HLA-DPA1: variants seen among roughly 807,000 people sequenced by gnomAD.
HLA-DPA1 encodes the protein major histocompatibility complex, class II, DP alpha 1, also known as HLA class II histocompatibility antigen, DP alpha 1 chain.
A neutral mutation model predicts 21.5 loss-of-function variants in HLA-DPA1; 20 were observed. That is an observed-to-expected ratio of 0.93 (90% CI 0.66 to 1.35). The LOEUF is 1.35. HLA-DPA1 is among the 40% of genes most tolerant of loss of function. The pLI is 0.00. For missense variants in HLA-DPA1, 279 were observed against 323.0 expected (o/e 0.86, Z 1.05); for synonymous variants, 123 against 129.6 (o/e 0.95, Z 0.35).
intron 1 of HLA-DPA1, chr6:33,079,776 C>T: frequency 4.1e-6 from 2 of 485,630 alleles, no homozygotes; most frequent in Non-Finnish European, 8.1e-6. Context: ...TCCAGAACTG[C>T]AAAGTCATCA....
chr6:33,070,501 A>C (rs1762227486), intron 2 of HLA-DPA1, among the ~76,000 whole-genome samples: 1 of 152,214 alleles, frequency 6.6e-6, no homozygotes, highest in Non-Finnish European at 1.5e-5. Flanking sequence ...GGTAGAAAAA[A>C]ATACAAAATT....
In HLA-DPA1 at chr6:33,080,466, TTC is replaced by T. The variant is rs998977153; in HGVS notation, c.-100+212_-100+213del. 3 of 755,582 alleles carry T rather than the reference TTC, an allele frequency of 4.0e-6. No individual in the cohort carries two copies. Among genetic ancestry groups the T allele is most frequent in the African/African-American group, 3.5e-5 (2 of 57,688 alleles). The allele number at this position is 755,582 out of a possible 1,614,324, so 46.8% of individuals were successfully genotyped here. On this transcript the variant is annotated intron_variant, in intron 1 of 5. Coordinates refer to ENST00000419277, the Ensembl canonical transcript of HLA-DPA1. This position sits in a 1 kb window ranked among gnomAD's most constrained non-coding sequence, Gnocchi z 4.3. Reference sequence around the variant, plus strand: ...CCCTGAGCTCATTCTTTTCAGTAAATTCTCTCTCTGCGTGGTGAGAAAACAGG... The same window carrying T: ...CCCTGAGCTCATTCTTTTCAGTAAATTCTCTCTGCGTGGTGAGAAAACAGG...
At chr6:33,071,887 C>A (rs1461283565) in intron 2 of HLA-DPA1, among the ~76,000 whole-genome samples, 2 of 152,080 alleles carry the variant, frequency 1.3e-5, no homozygotes, top group African/African-American at 4.8e-5. Context: ...TGAAAGTCAT[C>A]TAAGGAGAAA....
At chr6:33,076,659 C>A (rs576044134) in intron 1 of HLA-DPA1, among the ~76,000 whole-genome samples, 1 of 152,262 alleles carries the variant, frequency 6.6e-6, no homozygotes, top group South Asian at 2.1e-4. Flanking sequence ...TAGGTTTTAG[C>A]CCCTGAAGGC....
At chr6:33,069,146 G>A (rs759723756) in exon 4 of HLA-DPA1, 5 of 1,612,950 alleles carry the variant, frequency 3.1e-6, no homozygotes, top group Middle Eastern at 3.3e-4. Context: ...TGGGCAGGAA[G>A]AGGCTCTCAG....
intron 5 of HLA-DPA1, chr6:33,065,660 C>G (rs7751723): frequency 0.031 from 4,657 of 152,292 alleles, 251 homozygotes; most frequent in African/African-American, 0.1. Flanking sequence ...GAAGCTTAAC[C>G]CTGGAATGAG....
At chr6:33,071,306 A>G (rs777102400) in intron 2 of HLA-DPA1, among the ~76,000 whole-genome samples, 6 of 152,248 alleles carry the variant, frequency 3.9e-5, no homozygotes, top group Non-Finnish European at 7.3e-5. Context: ...GTATTTCACT[A>G]GGAAACTTAG....
At chr6:33,068,747 C>A in exon 5 of HLA-DPA1, 1 of 1,612,920 alleles carries the variant, frequency 6.2e-7, no homozygotes, top group Non-Finnish European at 8.5e-7. Context: ...CAGCACCAGG[C>A]CCAGGGCACA....
At chr6:33,064,965 T>C (rs1249558689) in exon 6 of HLA-DPA1, 1 of 152,182 alleles carries the variant, frequency 6.6e-6, no homozygotes, top group Non-Finnish European at 1.5e-5. Flanking sequence ...AGTATTCACA[T>C]GTGACCTGGT....
At chr6:33,079,535 G>T in intron 1 of HLA-DPA1, 1 of 378,308 alleles carries the variant, frequency 2.6e-6, no homozygotes, top group Non-Finnish European at 5.1e-6. Context: ...AGACTGAAAT[G>T]TCAAAATTAA....
rs556035925 is a variant in HLA-DPA1 at position 33,073,453 on chromosome 6, G to A, written c.100+18C>T. On this transcript the variant is annotated intron_variant, in intron 2 of 5. Coordinates refer to ENST00000419277, the Ensembl canonical transcript of HLA-DPA1. ...CCATCACTCACCCCGACGCTCCTGC[G>A]TCCTCCTGAGCACTCACCCTTGATG... 36 of 1,556,032 alleles carry A rather than the reference G, an allele frequency of 2.3e-5. 1 individual carries two copies. The South Asian group carries it at 2.4e-4, about 11-fold the overall frequency.
At chr6:33,076,569 G>A (rs1009894873) in intron 1 of HLA-DPA1, among the ~76,000 whole-genome samples, 17 of 152,176 alleles carry the variant, frequency 1.1e-4, no homozygotes, top group African/African-American at 3.4e-4. Flanking sequence ...CAGTGCTCAC[G>A]AAGAATGCCT....
intron 1 of HLA-DPA1, chr6:33,079,645 C>A: frequency 2.1e-6 from 1 of 470,968 alleles, no homozygotes; most frequent in East Asian, 5.9e-5. Context: ...GCAACAACAA[C>A]AACAAAAAAA....
At chr6:33,079,140 G>T (rs1762707811) in intron 1 of HLA-DPA1, among the ~76,000 whole-genome samples, 2 of 152,238 alleles carry the variant, frequency 1.3e-5, no homozygotes, top group African/African-American at 4.8e-5. Context: ...ACTTCTGCTA[G>T]GGGTGAGGTT....
In HLA-DPA1 at chr6:33,076,254, G is replaced by C. The variant is rs140768194; in HGVS notation, c.-99-2585C>G. On this transcript the variant is annotated intron_variant, in intron 1 of 5. Transcript: ENST00000419277. ...AGGCTGCGGGGGCTCCTGCCCTAAG[G>C]CAGTGTCCTCTCTTCCCAGCTAGAG... The C allele has an allele frequency of 2.0e-3, 1,386 of 697,066 alleles. 14 individuals are homozygous for C. The highest frequency in any genetic ancestry group is 0.012 in the East Asian group (429 of 36,862). The allele number at this position is 697,066 out of a possible 1,614,324, so 43.2% of individuals were successfully genotyped here.
chr6:33,076,074 G>T, intron 1 of HLA-DPA1: 2 of 1,612,586 alleles, frequency 1.2e-6, no homozygotes, highest in Non-Finnish European at 1.7e-6. Flanking sequence ...CGGCCCCCCG[G>T]ACAGTGGCTC....
intron 1 of HLA-DPA1, among the ~76,000 whole-genome samples, chr6:33,078,075 G>A (rs1762641132): frequency 6.6e-6 from 1 of 152,080 alleles, no homozygotes; most frequent in Admixed American, 6.5e-5. Context: ...CCATCCCATA[G>A]GCAGAGCTGT....
intron 1 of HLA-DPA1, among the ~76,000 whole-genome samples, chr6:33,074,363 C>T (rs1762433823): frequency 1.3e-5 from 2 of 152,110 alleles, no homozygotes; most frequent in Admixed American, 1.3e-4. Flanking sequence ...GACAGCATTA[C>T]CTGTGGTAAC....
rs1320085190 is a variant in HLA-DPA1, at chr6:33,067,516, C to T, written c.*12+1122G>A. ...TGCTAGTGCCATGTTTCGCGTACAGCCTGCAGATCTGTGAGCCATTTAAAG... is the reference window on the plus strand; with the variant it reads ...TGCTAGTGCCATGTTTCGCGTACAGTCTGCAGATCTGTGAGCCATTTAAAG... On this transcript the variant is annotated intron_variant, in intron 5 of 5. Coordinates refer to ENST00000419277, the Ensembl canonical transcript of HLA-DPA1. The T allele has an allele frequency of 5.3e-5, 8 of 152,306 alleles. No homozygotes were observed. The East Asian group carries it at 1.3e-3, about 26-fold the overall frequency. The allele number at this position is 152,306 out of a possible 1,614,324, so 9.4% of individuals were successfully genotyped here.
Sources: gnomAD v4.1 joint callset for allele counts (sites outside exome capture counted in the v4.1 genomes callset) on GRCh38, gnomAD v4.1.1 for gene constraint, Gnocchi (gnomAD v3.1) non-coding constraint, MANE v1.5 for transcripts, NCBI Gene and HGNC (gene_info 2026-07-23, HGNC 2026-07-21) for gene names.